The following MAP3K4 variants were observed in gnomAD, a reference collection of about 807,000 sequenced individuals.
MAP3K4 encodes the protein MAP three kinase 1.
MAP3K4 carries 67 observed loss-of-function variants against 185.6 expected under a neutral mutation model. That is an observed-to-expected ratio of 0.36 (90% CI 0.30 to 0.44). The LOEUF (loss-of-function observed/expected upper bound fraction) is 0.44. MAP3K4 is among the 20% of genes least tolerant of loss of function. The probability of loss-of-function intolerance (pLI) is 1.00; values close to 1 mark genes in which losing one functional copy is unlikely to be tolerated. For synonymous variants in MAP3K4, 702 were observed against 710.4 expected (o/e 0.99, Z 0.19); for missense variants, 1,551 against 1,995.1 (o/e 0.78, Z 4.24).
rs1377427550 is a variant in MAP3K4, at chr6:161,043,462, C to T, written c.344-5154C>T. On this transcript the variant is annotated intron_variant, in intron 2 of 26. Transcript: ENST00000392142. The surrounding 1 kb of genome is among the most constrained non-coding windows in gnomAD (Gnocchi z 4.3). ...GCCTTTCCTTGGTCAGTTGGTACTG[C>T]CTTGCAAACACCTTTGACAAGTCCA... Among the ~76,000 whole-genome samples the T allele has an allele frequency of 6.6e-6, 1 of 152,194 alleles. No individual in the cohort carries two copies.
At chr6:161,015,567 T>G (rs1782057299) in intron 1 of MAP3K4, among the ~76,000 whole-genome samples, 1 of 152,136 alleles carries the variant, frequency 6.6e-6, no homozygotes, top group African/African-American at 2.4e-5. Flanking sequence ...TTCGTCAGGC[T>G]GTACAAGAAG....
chr6:161,002,009 TC>T (rs142887396), intron 1 of MAP3K4, among the ~76,000 whole-genome samples: 19 of 148,430 alleles, frequency 1.3e-4, no homozygotes, highest in African/African-American at 4.7e-4. Flanking sequence ...AAGAAACATT[TC>T]CCCCCCAACG....
intron 1 of MAP3K4, among the ~76,000 whole-genome samples, chr6:161,028,523 T>C (rs1316655565): frequency 2.0e-5 from 3 of 152,208 alleles, no homozygotes; most frequent in Non-Finnish European, 4.4e-5. Flanking sequence ...GTTTATTCAA[T>C]CAGCAAGTAG....
chr6:161,063,003 T>G lies in MAP3K4; in HGVS notation c.1708-7605T>G, dbSNP rs1198445959. Among the ~76,000 whole-genome samples the G allele has an allele frequency of 1.3e-5, 2 of 152,128 alleles. No individual in the cohort carries two copies. Among genetic ancestry groups the G allele is most frequent in the Non-Finnish European group, 2.9e-5 (2 of 68,010 alleles). ...TTTTGGATCTACTTTGCCTGTCTTCTCTGTCATTTCATTTCAGATCTTTTC... is the reference window on the plus strand; with the variant it reads ...TTTTGGATCTACTTTGCCTGTCTTCGCTGTCATTTCATTTCAGATCTTTTC... On this transcript the variant is annotated intron_variant, in intron 3 of 26. Transcript: ENST00000392142. This position sits in a 1 kb window ranked among gnomAD's most constrained non-coding sequence, Gnocchi z 5.4.
intron 1 of MAP3K4, among the ~76,000 whole-genome samples, chr6:161,031,454 C>G (rs1011885371): frequency 5.3e-5 from 8 of 152,174 alleles, no homozygotes; most frequent in Admixed American, 2.0e-4. Context: ...AAGCACAGGA[C>G]TCAATTCCCA....
In MAP3K4 at chr6:161,111,902, T is replaced by C. The variant is rs781006516; in HGVS notation, c.4463T>C (p.Leu1488Pro). Residue 1488 changes from leucine (L) to proline (P), a missense_variant, in exon 24 of 27, where the codon CTC (leucine) becomes CCC (proline). Leu to Pro is a moderately conservative substitution (Grantham distance 98, BLOSUM62 -3). Transcript: ENST00000392142. The part of the protein sequence containing the change: ...KLGDFGCSVK[L>P]KNNAQTMPGE... ...GGAGATTTTGGATGTTCAGTAAAGC[T>C]CAAAAACAATGCCCAGACCATGCCT... 1 of 1,614,162 alleles carries C rather than the reference T, an allele frequency of 6.2e-7. No homozygotes were observed. The highest frequency in any genetic ancestry group is 1.1e-5 in the South Asian group (1 of 91,072).
At position 161,000,770 on chromosome 6, in the gene MAP3K4, TATGTGTACACCCATATATACACAC is replaced by T. The variant is rs1469720648; in HGVS notation, c.152+8719_152+8742del. 3.5e-3 allele frequency among the ~76,000 whole-genome samples: 531 copies of T among 151,010 alleles called. 1 individual carries two copies. Among genetic ancestry groups the T allele is most frequent in the African/African-American group, 0.012 (477 of 40,932 alleles). Reference sequence around the variant, plus strand: ...GTGTACACCCATCTGTATACACACATATGTGTACACCCATATATACACACATGTGTACACCCATATATACACACA... The same window carrying T: ...GTGTACACCCATCTGTATACACACATATGTGTACACCCATATATACACACA... On this transcript the variant is annotated intron_variant, in intron 1 of 26. Transcript: ENST00000392142.
At chr6:161,006,936 C>G (rs771590099) in intron 1 of MAP3K4, among the ~76,000 whole-genome samples, 1 of 152,276 alleles carries the variant, frequency 6.6e-6, no homozygotes, top group Non-Finnish European at 1.5e-5. Flanking sequence ...TCTCTGTCAT[C>G]TTTCCTAACA....
chr6:161,039,884 T>C (rs150701939), intron 2 of MAP3K4, among the ~76,000 whole-genome samples: 1 of 152,226 alleles, frequency 6.6e-6, no homozygotes, highest in Non-Finnish European at 1.5e-5. Context: ...GTTTGGATCA[T>C]TATAACCATG....
chr6:161,080,002 G>A lies in MAP3K4; in HGVS notation c.2098-879G>A, dbSNP rs1170042843. ...GGAATCCTGTAAACATCTGAGTGTG[G>A]ACACCCGAGTGTAGTCACCTTCAGG... On this transcript the variant is annotated intron_variant, in intron 5 of 26. Coordinates refer to ENST00000392142, the MANE Select transcript of MAP3K4 (RefSeq NM_005922.4). This position sits in a 1 kb window ranked among gnomAD's most constrained non-coding sequence, Gnocchi z 4.8. Among the ~76,000 whole-genome samples the A allele has an allele frequency of 6.6e-6, 1 of 152,210 alleles. No individual in the cohort carries two copies. Among genetic ancestry groups the A allele is most frequent in the Non-Finnish European group, 1.5e-5 (1 of 68,032 alleles).
At chr6:160,998,759 G>A (rs1036506870) in intron 1 of MAP3K4, among the ~76,000 whole-genome samples, 3 of 152,150 alleles carry the variant, frequency 2.0e-5, no homozygotes, top group African/African-American at 4.8e-5. Context: ...GTGTTTAAAT[G>A]CTTTCCCCAT....
At position 161,070,584 on chromosome 6, in the gene MAP3K4, G is replaced by T; in HGVS notation, c.1708-24G>T. On this transcript the variant is annotated intron_variant, in intron 3 of 26. Coordinates refer to ENST00000392142, the MANE Select transcript of MAP3K4 (RefSeq NM_005922.4). The surrounding 1 kb of genome is among the most constrained non-coding windows in gnomAD (Gnocchi z 4.5). ...GTTGTCTCGTATGCTCTTTTAATCT[G>T]TGCCTGTTGAATTTTTGTTATAGTT... is the stretch of plus-strand genomic sequence containing the variant. 1 of 1,609,344 alleles carries T rather than the reference G, an allele frequency of 6.2e-7. No homozygotes were observed.
chr6:160,994,399 T>C (rs1780897314), intron 1 of MAP3K4, among the ~76,000 whole-genome samples: 1 of 152,236 alleles, frequency 6.6e-6, no homozygotes, highest in Non-Finnish European at 1.5e-5. Flanking sequence ...TGGTTTTCCA[T>C]TCCTGAGTGA....
intron 1 of MAP3K4, among the ~76,000 whole-genome samples, chr6:160,995,749 T>C (rs1488139998): frequency 6.6e-6 from 1 of 152,210 alleles, no homozygotes; most frequent in Non-Finnish European, 1.5e-5. Flanking sequence ...CTGAGGTGAC[T>C]AGGAGAGCTA....
chr6:161,006,168 G>T (rs1018486018), intron 1 of MAP3K4, among the ~76,000 whole-genome samples: 1 of 152,174 alleles, frequency 6.6e-6, no homozygotes, highest in Non-Finnish European at 1.5e-5. Flanking sequence ...TTTGAATTCT[G>T]AAACTGTTTC....
intron 3 of MAP3K4, among the ~76,000 whole-genome samples, chr6:161,052,552 TAA>T (rs746479846): frequency 2.0e-5 from 3 of 152,324 alleles, no homozygotes; most frequent in Non-Finnish European, 4.4e-5. Flanking sequence ...CATAAGATGC[TAA>T]GTGTTCATCA....
chr6:161,085,083 T>C (rs1785638863), intron 7 of MAP3K4, among the ~76,000 whole-genome samples: 1 of 151,670 alleles, frequency 6.6e-6, no homozygotes, highest in Non-Finnish European at 1.5e-5. Context: ...GAGGCAGAGG[T>C]TGCAGTGAGC....
chr6:161,048,204 G>T lies in MAP3K4; in HGVS notation c.344-412G>T. 1.9e-6 allele frequency: 1 copy of T among 528,336 alleles called. No homozygotes were observed. The allele number at this position is 528,336 out of a possible 1,614,324, so 32.7% of individuals were successfully genotyped here. A position where few individuals can be genotyped will look rare whatever the true frequency, so the allele number is the denominator to read the frequency against. On this transcript the variant is annotated intron_variant, in intron 2 of 26. Coordinates refer to ENST00000392142, the MANE Select transcript of MAP3K4 (RefSeq NM_005922.4). The surrounding 1 kb of genome is among the most constrained non-coding windows in gnomAD (Gnocchi z 4.7). ...ATTTCCTCTTAAGTTTACACATTTA[G>T]CTAATGACAAATGCAGGAATTAAAT...
At chr6:161,031,174 A>G (rs1046864844) in intron 1 of MAP3K4, among the ~76,000 whole-genome samples, 2 of 152,248 alleles carry the variant, frequency 1.3e-5, no homozygotes, top group Admixed American at 1.3e-4. Flanking sequence ...ATGTGAATGT[A>G]TAAGGATAAG....
Sources: gnomAD v4.1 joint callset for allele counts (sites outside exome capture counted in the v4.1 genomes callset) on GRCh38, gnomAD v4.1.1 for gene constraint, Gnocchi (gnomAD v3.1) non-coding constraint, MANE v1.5 for transcripts, NCBI Gene and HGNC (gene_info 2026-07-23, HGNC 2026-07-21) for gene names.